ECHDC1: variants seen among roughly 807,000 people sequenced by gnomAD.
The protein encoded by ECHDC1 is ethylmalonyl-CoA decarboxylase 1, also known as ethylmalonyl-CoA decarboxylase.
A neutral mutation model predicts 29.7 loss-of-function variants in ECHDC1; 29 were observed. The ratio of observed to expected loss-of-function variants is 0.98; its 90% CI spans 0.73 to 1.33. The LOEUF (loss-of-function observed/expected upper bound fraction) is 1.33. Ranked by LOEUF, ECHDC1 falls within the 40% of genes most tolerant of loss-of-function variation. The probability of loss-of-function intolerance (pLI) is 0.00; values close to 1 mark genes in which losing one functional copy is unlikely to be tolerated. For synonymous variants in ECHDC1, 126 were observed against 123.1 expected, an observed-to-expected ratio of 1.02 and a Z score of -0.15; for missense variants, 328 against 350.0, an observed-to-expected ratio of 0.94 and a Z score of 0.50.
chr6:127,295,230 T>C (rs1194419691), intron 5 of ECHDC1, among the ~76,000 whole-genome samples: 1 of 152,174 alleles, frequency 6.6e-6, no homozygotes, highest in East Asian at 1.9e-4. Context: ...GGCTACCTTG[T>C]AAGTTCCCTT....
intron 1 of ECHDC1, among the ~76,000 whole-genome samples, chr6:127,337,345 T>A (rs1448666118): frequency 6.6e-6 from 1 of 152,306 alleles, no homozygotes; most frequent in East Asian, 1.9e-4. Flanking sequence ...TGAAGTCTGC[T>A]GAGAGATTCC....
intron 5 of ECHDC1, among the ~76,000 whole-genome samples, chr6:127,299,472 AAG>A (rs1780887361): frequency 6.6e-6 from 1 of 151,868 alleles, no homozygotes. Context: ...ACTTTTAAAA[AAG>A]ATGAATAAAA....
At chr6:127,314,431 A>C (rs1394887600) in intron 5 of ECHDC1, among the ~76,000 whole-genome samples, 1 of 152,114 alleles carries the variant, frequency 6.6e-6, no homozygotes, top group African/African-American at 2.4e-5. Flanking sequence ...ATTGGTGAGA[A>C]GACAGCTACA....
chr6:127,342,623 T>C, intron 1 of ECHDC1: 1 of 451,652 alleles, frequency 2.2e-6, no homozygotes, highest in Admixed American at 3.6e-5. Context: ...CCAGTTCCTC[T>C]GCATACCTCT....
At chr6:127,321,542 T>C (rs545448319) in intron 3 of ECHDC1, among the ~76,000 whole-genome samples, 1 of 152,348 alleles carries the variant, frequency 6.6e-6, no homozygotes, top group Non-Finnish European at 1.5e-5. Flanking sequence ...TTTAAAATCA[T>C]AATGTGATAA....
At chr6:127,295,610 T>C (rs1051406743) in intron 5 of ECHDC1, among the ~76,000 whole-genome samples, 1 of 152,226 alleles carries the variant, frequency 6.6e-6, no homozygotes. Flanking sequence ...CTTAAAAGAT[T>C]ATACTCATTG....
rs545589768 is a variant in ECHDC1 at position 127,308,947 on chromosome 6, A to C, written c.497+5869T>G. On this transcript the variant is annotated intron_variant, in intron 5 of 5. Transcript: ENST00000454859. ...AAAACTATAAAACACCAATGAAAGA[A>C]ATTGAAGTGGACATTAAAAATGAAA... 2.4e-4 allele frequency among the ~76,000 whole-genome samples: 36 copies of C among 152,326 alleles called. No homozygotes were observed. In the South Asian group the frequency reaches 7.3e-3, roughly 31 times the overall value.
intron 4 of ECHDC1, chr6:127,315,938 A>G (rs780390903): frequency 2.1e-6 from 1 of 470,746 alleles, no homozygotes. Flanking sequence ...ACATACCTTG[A>G]TAGGCCAAGA....
chr6:127,304,397 T>C (rs1472557683), intron 5 of ECHDC1, among the ~76,000 whole-genome samples: 2 of 152,134 alleles, frequency 1.3e-5, no homozygotes, highest in Non-Finnish European at 2.9e-5. Flanking sequence ...TACGTCCTTC[T>C]GAATATCTAG....
In ECHDC1 at chr6:127,314,732, T is replaced by C. The variant is rs1056028826; in HGVS notation, c.497+84A>G. 3 of 973,740 alleles carry C rather than the reference T, an allele frequency of 3.1e-6. No individual in the cohort carries two copies. The African/African-American group carries it at 5.0e-5, about 16-fold the overall frequency. 60.3% of individuals were successfully genotyped at this position (973,740 alleles called of 1,614,324 possible). ...AATAGGTTTATCCTATTTAAGAATA[T>C]ATAAAATATTGATATTAAGGCAAAA... On this transcript the variant is annotated intron_variant, in intron 5 of 5. Coordinates refer to ENST00000454859, the MANE Select transcript of ECHDC1 (RefSeq NM_001002030.2).
intron 5 of ECHDC1, among the ~76,000 whole-genome samples, chr6:127,310,699 A>C (rs1781829810): frequency 6.6e-6 from 1 of 152,238 alleles, no homozygotes; most frequent in Non-Finnish European, 1.5e-5. Context: ...ATATTACATA[A>C]ATTTATATTT....
chr6:127,322,970 G>A (rs953708660), intron 3 of ECHDC1, among the ~76,000 whole-genome samples: 2 of 151,972 alleles, frequency 1.3e-5, no homozygotes, highest in Non-Finnish European at 1.5e-5. Context: ...AAATCTAAAC[G>A]CTCCAAAATC....
intron 3 of ECHDC1, among the ~76,000 whole-genome samples, chr6:127,317,424 C>T (rs897003270): frequency 4.6e-5 from 7 of 152,062 alleles, no homozygotes; most frequent in African/African-American, 1.2e-4. Context: ...AAACTCAGCA[C>T]GGCAAAACCA....
chr6:127,323,444 T>A (rs1415825438), intron 3 of ECHDC1, among the ~76,000 whole-genome samples: 1 of 152,142 alleles, frequency 6.6e-6, no homozygotes, highest in Non-Finnish European at 1.5e-5. Flanking sequence ...TTTACTAATC[T>A]CAAGATCTTT....
intron 1 of ECHDC1, 113 bp from the exon 2 acceptor site, chr6:127,331,143 C>G: frequency 1.4e-6 from 1 of 722,942 alleles, no homozygotes; most frequent in Non-Finnish European, 2.2e-6. Flanking sequence ...GGGAATACTT[C>G]CCCATTTCTT....
chr6:127,340,930 T>C (rs1363381194), intron 1 of ECHDC1, among the ~76,000 whole-genome samples: 1 of 152,106 alleles, frequency 6.6e-6, no homozygotes, highest in Admixed American at 6.6e-5. Flanking sequence ...ACATTACCCC[T>C]CTCTCCAACA....
chr6:127,322,213 G>A (rs1782889127), intron 3 of ECHDC1, among the ~76,000 whole-genome samples: 1 of 152,042 alleles, frequency 6.6e-6, no homozygotes, highest in African/African-American at 2.4e-5. Flanking sequence ...GGCTGAAGCA[G>A]GAGAATCACT....
At position 127,290,276 on chromosome 6, in the gene ECHDC1, ACCTGT is replaced by A. The variant is rs1224483177; in HGVS notation, c.498-4_498del. ...CTGATCTTACTCTCTGGAGTCATTA[ACCTGT>A]AAAAGAAAAAAGAAAAGCTTAATTG... On this transcript the variant is annotated splice_acceptor_variant and splice_polypyrimidine_tract_variant and coding_sequence_variant and intron_variant, in exon 6 of 6. Transcript: ENST00000454859. LOFTEE classifies it high-confidence loss of function. The A allele has an allele frequency of 6.2e-7, 1 of 1,607,640 alleles. No homozygotes were observed. The highest frequency in any genetic ancestry group is 1.7e-5 in the Admixed American group (1 of 58,554).
At chr6:127,308,401 T>A (rs1781620014) in intron 5 of ECHDC1, among the ~76,000 whole-genome samples, 1 of 152,196 alleles carries the variant, frequency 6.6e-6, no homozygotes, top group Non-Finnish European at 1.5e-5. Context: ...AAAAGCTATA[T>A]AATAATTTGG....
Sources: allele counts gnomAD v4.1 joint callset (sites outside exome capture counted in the v4.1 genomes callset), GRCh38; gene constraint gnomAD v4.1.1; transcripts MANE v1.5; gene names NCBI Gene and HGNC (gene_info 2026-07-23, HGNC 2026-07-21).